The following POFUT3 variants were observed in gnomAD, a reference collection of about 807,000 sequenced individuals.
The protein encoded by POFUT3 is GDP-fucose protein O-fucosyltransferase 3.
the POFUT3 span, among the ~76,000 whole-genome samples, chr8:33,322,965 T>A: frequency 6.6e-6 from 1 of 151,636 alleles, no homozygotes; most frequent in Non-Finnish European, 1.5e-5. Flanking sequence ...CAAAGACAAC[T>A]AAGTGTTTTG....
At chr8:33,364,813 C>A in the POFUT3 span, among the ~76,000 whole-genome samples, 1 of 152,128 alleles carries the variant, frequency 6.6e-6, no homozygotes, top group Non-Finnish European at 1.5e-5. Flanking sequence ...TAGGAAGAAT[C>A]AATAGCGTGA....
chr8:33,310,701 AAAAAAAT>A, the POFUT3 span, among the ~76,000 whole-genome samples: 57 of 151,926 alleles, frequency 3.8e-4, no homozygotes, highest in Non-Finnish European at 7.4e-4. Flanking sequence ...AAAAAAAAAA[AAAAAAAT>A]ATCTCCCACA....
the POFUT3 span, among the ~76,000 whole-genome samples, chr8:33,379,966 A>G: frequency 9.5e-6 from 1 of 105,402 alleles, no homozygotes; most frequent in Non-Finnish European, 1.8e-5. Context: ...CTATATATAC[A>G]CTATATATAC....
chr8:33,465,787 T>C, the POFUT3 span, among the ~76,000 whole-genome samples: 27 of 152,286 alleles, frequency 1.8e-4, no homozygotes, highest in South Asian at 4.8e-3. Flanking sequence ...CAGGATCATA[T>C]TTTTTAAAGA....
chr8:33,365,621 A>G, the POFUT3 span, among the ~76,000 whole-genome samples: 1 of 152,236 alleles, frequency 6.6e-6, no homozygotes, highest in African/African-American at 2.4e-5. Context: ...TTCTCAAAAG[A>G]AGACATCTAT....
the POFUT3 span, among the ~76,000 whole-genome samples, chr8:33,325,140 A>G: frequency 6.6e-6 from 1 of 152,170 alleles, no homozygotes; most frequent in Non-Finnish European, 1.5e-5. Flanking sequence ...TCTGAACTCT[A>G]TCCTGGTGCC....
At chr8:33,386,188 CAAAAAAAAAAAAA>C in the POFUT3 span, among the ~76,000 whole-genome samples, 45 of 32,046 alleles carry the variant, frequency 1.4e-3, 1 homozygote, top group South Asian at 1.4e-3. Flanking sequence ...GGCTCCATCT[CAAAAAAAAAAAAA>C]AAAAAAAAAA....
At chr8:33,445,390 C>T in the POFUT3 span, among the ~76,000 whole-genome samples, 2 of 151,892 alleles carry the variant, frequency 1.3e-5, no homozygotes, top group Non-Finnish European at 2.9e-5. Context: ...TAAAGCTAAC[C>T]TCTGGAGAAA....
At chr8:33,463,604 G>C in the POFUT3 span, among the ~76,000 whole-genome samples, 1 of 152,066 alleles carries the variant, frequency 6.6e-6, no homozygotes, top group African/African-American at 2.4e-5. Context: ...AAGTGCAGTA[G>C]TGTGATCATG....
chr8:33,345,319 C>T, the POFUT3 span, among the ~76,000 whole-genome samples: 48 of 151,632 alleles, frequency 3.2e-4, no homozygotes, highest in African/African-American at 9.9e-4. Flanking sequence ...TGAATTTACA[C>T]GATTTAAAAC....
At chr8:33,424,543 C>A in the POFUT3 span, among the ~76,000 whole-genome samples, 2 of 152,320 alleles carry the variant, frequency 1.3e-5, no homozygotes, top group East Asian at 3.9e-4. Flanking sequence ...GGACAGGATG[C>A]TTTCCAACCC....
chr8:33,441,826 T>G, the POFUT3 span, among the ~76,000 whole-genome samples: 1 of 152,218 alleles, frequency 6.6e-6, no homozygotes, highest in African/African-American at 2.4e-5. Context: ...AGAATATGCC[T>G]AGACCTGGAT....
the POFUT3 span, among the ~76,000 whole-genome samples, chr8:33,453,789 A>T: frequency 2.4e-3 from 362 of 152,228 alleles, 1 homozygote; most frequent in African/African-American, 7.7e-3. Context: ...CTACTAAAAA[A>T]TACAAAAATT....
chr8:33,423,357 C>T, the POFUT3 span, among the ~76,000 whole-genome samples: 9 of 152,082 alleles, frequency 5.9e-5, no homozygotes, highest in African/African-American at 1.9e-4. Context: ...CAGCCTTGAC[C>T]TCCTGGGCTC....
the POFUT3 span, among the ~76,000 whole-genome samples, chr8:33,400,351 G>A: frequency 6.6e-6 from 1 of 152,064 alleles, no homozygotes; most frequent in Non-Finnish European, 1.5e-5. Context: ...TACTCGGGAA[G>A]CTGAGGCACA....
At chr8:33,469,787 A>G in the POFUT3 span, among the ~76,000 whole-genome samples, 1 of 148,268 alleles carries the variant, frequency 6.7e-6, no homozygotes, top group East Asian at 2.0e-4. Flanking sequence ...TTAGAAACAC[A>G]GATTTTTTAC....
chr8:33,412,697 G>A, the POFUT3 span, among the ~76,000 whole-genome samples: 2 of 152,134 alleles, frequency 1.3e-5, no homozygotes, highest in African/African-American at 4.8e-5. Flanking sequence ...GCACAATCTT[G>A]GCTCACTGCA....
At chr8:33,449,752 G>A in the POFUT3 span, among the ~76,000 whole-genome samples, 1 of 151,664 alleles carries the variant, frequency 6.6e-6, no homozygotes, top group Admixed American at 6.6e-5. Context: ...CTAAGCTATA[G>A]CCAACCACTC....
the POFUT3 span, among the ~76,000 whole-genome samples, chr8:33,314,222 G>C: frequency 6.6e-6 from 1 of 152,132 alleles, no homozygotes; most frequent in Non-Finnish European, 1.5e-5. Flanking sequence ...GAGAGAACAG[G>C]CTGTGTGCCT....
Sources: allele counts gnomAD v4.1 joint callset (sites outside exome capture counted in the v4.1 genomes callset), GRCh38; gene constraint gnomAD v4.1.1; transcripts MANE v1.5; gene names NCBI Gene and HGNC (gene_info 2026-07-23, HGNC 2026-07-21).